The following SLC47A2 variants were observed in gnomAD, a reference collection of about 807,000 sequenced individuals.
SLC47A2 encodes the protein multidrug and toxin extrusion protein 2.
A neutral mutation model predicts 67.7 loss-of-function variants in SLC47A2; 52 were observed. The observed-to-expected ratio is 0.77, with a 90% CI of 0.61 to 0.97. The LOEUF (loss-of-function observed/expected upper bound fraction) is 0.97, where lower values mean the gene tolerates loss of function less well. Ranked by LOEUF, SLC47A2 falls within the 50% of genes least tolerant of loss-of-function variation. The probability of loss-of-function intolerance (pLI) is 0.00; values close to 1 mark genes in which losing one functional copy is unlikely to be tolerated. For missense variants in SLC47A2, 676 were observed against 712.3 expected (o/e 0.95, Z 0.58); for synonymous variants, 278 against 292.9 (o/e 0.95, Z 0.52).
At chr17:19,705,992 G>A (rs1022162335) in intron 9 of SLC47A2, among the ~76,000 whole-genome samples, 2 of 152,114 alleles carry the variant, frequency 1.3e-5, no homozygotes, top group East Asian at 3.9e-4. Flanking sequence ...TGCCCCGGAG[G>A]CCCCTGCAGG....
At chr17:19,702,985 T>A (rs888687456) in intron 12 of SLC47A2, 107 bp downstream of exon 12, 1 of 1,262,930 alleles carries the variant, frequency 7.9e-7, no homozygotes, top group Non-Finnish European at 1.1e-6. Context: ...GGGCTCTTCC[T>A]GCTTCCTTTG....
intron 13 of SLC47A2, among the ~76,000 whole-genome samples, chr17:19,695,515 C>CAAAAAAAAAAAAAAAAAAAAAAAATAA (rs201305334): frequency 1.1e-5 from 1 of 91,406 alleles, no homozygotes; most frequent in Admixed American, 1.2e-4. Flanking sequence ...AAAAAAACAG[C>CAAAAAAAAAAAAAAAAAAAAAAAATAA]AAAAAAAAAA....
At chr17:19,698,157 A>G (rs775172550) in intron 13 of SLC47A2, among the ~76,000 whole-genome samples, 15 of 152,182 alleles carry the variant, frequency 9.9e-5, no homozygotes, top group Non-Finnish European at 2.2e-4. Flanking sequence ...TTTACAAAGA[A>G]AAGCGATGTT....
intron 10 of SLC47A2, chr17:19,704,574 T>A (rs1038537106): frequency 3.5e-5 from 48 of 1,367,812 alleles, no homozygotes; most frequent in Non-Finnish European, 4.5e-5. Context: ...AATAAGAATC[T>A]CTAAATTGAT....
chr17:19,716,667 G>A, upstream of SLC47A2: 3 of 1,420,020 alleles, frequency 2.1e-6, no homozygotes, highest in South Asian at 1.5e-5. Flanking sequence ...TGGCTGATGA[G>A]TAAGGGGCAG....
At chr17:19,714,390 G>A in intron 3 of SLC47A2, 4 of 457,210 alleles carry the variant, frequency 8.7e-6, no homozygotes, top group East Asian at 3.9e-5. Flanking sequence ...CTTGGCCTTC[G>A]ACACATGCCT....
chr17:19,702,565 T>C, intron 13 of SLC47A2, 40 bp downstream of exon 13: 1 of 1,611,056 alleles, frequency 6.2e-7, no homozygotes, highest in East Asian at 2.2e-5. Flanking sequence ...ACATAAATCA[T>C]GTCCCAGGGA....
chr17:19,688,882 AAGAG>A (rs1410692271), intron 13 of SLC47A2, among the ~76,000 whole-genome samples: 1 of 144,838 alleles, frequency 6.9e-6, no homozygotes, highest in Non-Finnish European at 1.5e-5. Context: ...TTTTTTTTTT[AAGAG>A]AGAGGGTCTC....
intron 1 of SLC47A2, chr17:19,715,894 C>CG (rs899517204): frequency 6.5e-6 from 1 of 153,726 alleles, no homozygotes; most frequent in Non-Finnish European, 1.4e-5. Flanking sequence ...TTAGTAGAGT[C>CG]GGGGGGTTCT....
intron 2 of SLC47A2, 152 bp downstream of exon 2, chr17:19,714,964 G>T: frequency 8.1e-7 from 1 of 1,230,934 alleles, no homozygotes; most frequent in Non-Finnish European, 1.2e-6. Flanking sequence ...TCCATCTCCG[G>T]CCCTCAGGTT....
In SLC47A2 at chr17:19,678,645, G is replaced by C; in HGVS notation, c.*41C>G. On this transcript the variant is annotated 3_prime_UTR_variant, in exon 17 of 17. Transcript: ENST00000433844. ...GCAGACCGTGGTGTGTTTGCATACT[G>C]GGGACAGCCACTCCTGGCTTTCTAT... 1 of 1,597,434 alleles carries C rather than the reference G, an allele frequency of 6.3e-7. No individual in the cohort carries two copies. The highest frequency in any genetic ancestry group is 1.1e-5 in the South Asian group (1 of 90,644).
At chr17:19,702,975 G>A in intron 12 of SLC47A2, 117 bp downstream of exon 12, 1 of 1,163,374 alleles carries the variant, frequency 8.6e-7, no homozygotes, top group South Asian at 1.4e-5. Context: ...AGCCAAGCCT[G>A]GGCTCTTCCT....
At chr17:19,714,287 G>A (rs1024518734) in intron 3 of SLC47A2, among the ~76,000 whole-genome samples, 1 of 152,216 alleles carries the variant, frequency 6.6e-6, no homozygotes, top group South Asian at 2.1e-4. Context: ...CCAGGGAGAG[G>A]TGAGGCCTTG....
intron 13 of SLC47A2, among the ~76,000 whole-genome samples, chr17:19,691,746 T>C (rs1413595978): frequency 1.3e-5 from 2 of 152,240 alleles, no homozygotes; most frequent in African/African-American, 4.8e-5. Flanking sequence ...AAAAGTATAA[T>C]TGGATTGATT....
At chr17:19,702,108 C>CAAA in intron 13 of SLC47A2, 4 of 839,126 alleles carry the variant, frequency 4.8e-6, no homozygotes, top group Non-Finnish European at 5.6e-6. Flanking sequence ...GACCCTGTCT[C>CAAA]AAAAAAAAAA....
In SLC47A2 at chr17:19,699,192, GT is replaced by G. The variant is rs545469641; in HGVS notation, c.1164+3412del. Among the ~76,000 whole-genome samples the G allele has an allele frequency of 1.4e-4, 21 of 149,738 alleles. No homozygotes were observed. In the East Asian group the frequency reaches 2.7e-3, roughly 19 times the overall value. On this transcript the variant is annotated intron_variant, in intron 13 of 16. Coordinates refer to ENST00000433844, the MANE Select transcript of SLC47A2 (RefSeq NM_001099646.3). ...AGCAAAGGCAACTGGAGAAAGCCTA[GT>G]TTTTTTTTTCCAAGAAATGGTACTG...
chr17:19,708,832 T>G (rs377396419), intron 5 of SLC47A2, 72 bp from the exon 6 acceptor site: 2 of 1,561,280 alleles, frequency 1.3e-6, no homozygotes, highest in East Asian at 4.5e-5. Flanking sequence ...TAACAGACAT[T>G]CCTTTCCAGG....
chr17:19,678,958 C>CTTTGGCCT, intron 16 of SLC47A2, 52 bp from the exon 17 acceptor site: 1 of 1,514,500 alleles, frequency 6.6e-7, no homozygotes, highest in Non-Finnish European at 9.0e-7. Context: ...AGAGGGAGAG[C>CTTTGGCCT]TTTGGCCTTG....
At chr17:19,684,335 T>G (rs1210560746) in intron 13 of SLC47A2, among the ~76,000 whole-genome samples, 1 of 152,018 alleles carries the variant, frequency 6.6e-6, no homozygotes, top group African/African-American at 2.4e-5. Context: ...AAACCATAAG[T>G]CAAAGAATAA....
Sources: gnomAD v4.1 joint callset for allele counts (sites outside exome capture counted in the v4.1 genomes callset) on GRCh38, gnomAD v4.1.1 for gene constraint, MANE v1.5 for transcripts, NCBI Gene and HGNC (gene_info 2026-07-23, HGNC 2026-07-21) for gene names.